TEX11: variants seen among roughly 807,000 people sequenced by gnomAD.
TEX11 encodes the protein testis-expressed protein 11.
Under a neutral mutation model 84.4 loss-of-function variants are expected in TEX11, and 7 were observed. That is an observed-to-expected ratio of 0.08 (90% CI 0.05 to 0.16). The LOEUF (loss-of-function observed/expected upper bound fraction) is 0.16, where lower values mean the gene tolerates loss of function less well. Ranked by LOEUF, TEX11 falls within the 10% of genes least tolerant of loss-of-function variation. The pLI is 1.00. For synonymous variants in TEX11, 264 were observed against 222.8 expected (o/e 1.18, Z -1.64); for missense variants, 551 against 660.5 (o/e 0.83, Z 1.82).
rs58118818 is a variant in TEX11 at position 70,720,773 on chromosome X, A to AATATAT, written c.1004+1839_1004+1844dup. On this transcript the variant is annotated intron_variant, in intron 13 of 29. Coordinates refer to ENST00000374333, the MANE Select transcript of TEX11 (RefSeq NM_031276.3). ...ATGTATATATTATATACATATATAT[A>AATATAT]ATATATATATATATATGAAAACCAT... Among the ~76,000 whole-genome samples the AATATAT allele has an allele frequency of 1.1e-3, 108 of 96,228 alleles. 1 individual carries two copies. The highest frequency in any genetic ancestry group is 3.6e-3 in the African/African-American group (101 of 27,904). 83.6% of individuals were successfully genotyped at this position (96,228 alleles called of 115,157 possible).
chrX:70,839,275 AC>A (rs1410815485), intron 7 of TEX11, among the ~76,000 whole-genome samples: 1 of 111,370 alleles, frequency 9.0e-6, no homozygotes, highest in Non-Finnish European at 1.9e-5. Context: ...ACGGCCGGGT[AC>A]CCCTCTGAGA....
intron 28 of TEX11, among the ~76,000 whole-genome samples, chrX:70,546,747 C>T (rs1288998106): frequency 1.8e-5 from 2 of 110,823 alleles, no homozygotes; most frequent in Non-Finnish European, 3.8e-5. Context: ...CTGGAATCCT[C>T]ATACACCGCT....
At chrX:70,684,179 A>G (rs1035976835) in intron 13 of TEX11, among the ~76,000 whole-genome samples, 2 of 112,742 alleles carry the variant, frequency 1.8e-5, no homozygotes, top group Non-Finnish European at 3.7e-5. Flanking sequence ...TTACTTCAGT[A>G]AAGTTGCAGG....
At chrX:70,593,102 C>T (rs768360381) in intron 24 of TEX11, among the ~76,000 whole-genome samples, 22 of 109,653 alleles carry the variant, frequency 2.0e-4, no homozygotes, top group South Asian at 8.0e-4. Flanking sequence ...CACACGCACA[C>T]GCACACACAC....
intron 28 of TEX11, among the ~76,000 whole-genome samples, chrX:70,547,292 C>T (rs916226566): frequency 9.0e-6 from 1 of 110,946 alleles, no homozygotes; most frequent in Non-Finnish European, 1.9e-5. Context: ...TGTTCTAAAA[C>T]TGGATTGTGG....
chrX:70,722,561 C>A, intron 13 of TEX11, 57 bp downstream of exon 13: 2 of 985,321 alleles, frequency 2.0e-6, no homozygotes, highest in South Asian at 4.1e-5. Flanking sequence ...AGGTGTGAGC[C>A]ACTGGTGCCT....
intron 8 of TEX11, among the ~76,000 whole-genome samples, chrX:70,807,614 A>C (rs972542505): frequency 8.1e-5 from 9 of 111,693 alleles, no homozygotes; most frequent in Non-Finnish European, 1.5e-4. Flanking sequence ...AAAGTCTTTT[A>C]TAAGTTTTAC....
At chrX:70,816,386 G>A (rs1194812516) in intron 8 of TEX11, among the ~76,000 whole-genome samples, 4 of 111,512 alleles carry the variant, frequency 3.6e-5, no homozygotes, top group African/African-American at 1.3e-4. Context: ...GAGATTCTGA[G>A]GACTGAGTGG....
intron 25 of TEX11, among the ~76,000 whole-genome samples, chrX:70,568,282 T>A (rs1187499331): frequency 9.0e-6 from 1 of 110,978 alleles, no homozygotes; most frequent in Admixed American, 9.6e-5. Context: ...ATCCTTTTAT[T>A]TTGAGCCTAT....
chrX:70,661,599 A>G (rs962413283), intron 16 of TEX11, among the ~76,000 whole-genome samples: 3 of 111,963 alleles, frequency 2.7e-5, no homozygotes, highest in East Asian at 2.8e-4. Context: ...CCTGACCCCC[A>G]AGTAGCCTAA....
the TEX11 span, among the ~76,000 whole-genome samples, chrX:70,523,030 C>T: frequency 9.0e-6 from 1 of 110,615 alleles, no homozygotes; most frequent in Non-Finnish European, 1.9e-5. Context: ...AAAAACAAAT[C>T]AAGGAAGCCT....
At chrX:70,786,451 T>C (rs2091079750) in intron 9 of TEX11, among the ~76,000 whole-genome samples, 1 of 111,348 alleles carries the variant, frequency 9.0e-6, no homozygotes, top group Non-Finnish European at 1.9e-5. Flanking sequence ...CATGCACATG[T>C]ACCGTAGAAC....
intron 28 of TEX11, among the ~76,000 whole-genome samples, chrX:70,537,597 G>GA (rs66588600): frequency 4.5e-5 from 5 of 110,030 alleles, no homozygotes; most frequent in South Asian, 3.9e-4. Context: ...AAGAGAAAAA[G>GA]AAAAAAAAGG....
chrX:70,806,035 C>A (rs1236925135), intron 9 of TEX11, among the ~76,000 whole-genome samples: 1 of 111,996 alleles, frequency 8.9e-6, no homozygotes, highest in African/African-American at 3.2e-5. Flanking sequence ...CCCAATCACA[C>A]CTCCACCTTA....
At chrX:70,737,148 G>A (rs1450378342) in intron 11 of TEX11, among the ~76,000 whole-genome samples, 1 of 110,742 alleles carries the variant, frequency 9.0e-6, no homozygotes, top group East Asian at 2.8e-4. Flanking sequence ...TAGAGACTTG[G>A]AAGATATAAA....
intron 8 of TEX11, among the ~76,000 whole-genome samples, chrX:70,817,252 TATACACACACACACAC>T (rs1242478521): frequency 3.2e-5 from 3 of 95,172 alleles, no homozygotes; most frequent in Non-Finnish European, 6.3e-5. Context: ...CACATATATA[TATACACACACACACAC>T]ACACACACAC....
chrX:70,549,168 G>A (rs945797651), intron 28 of TEX11, among the ~76,000 whole-genome samples: 1 of 111,273 alleles, frequency 9.0e-6, no homozygotes, highest in Non-Finnish European at 1.9e-5. Flanking sequence ...CGGGCTAAAA[G>A]GTACCCACTG....
chrX:70,529,179 C>G lies in TEX11; in HGVS notation c.2694G>C (p.Met898Ile). ...ATGCTTCCACAAGCTGACTATACAG[C>G]ATATTCATCTGGGAAAGAGAACAAC... Reference protein sequence around the residue: ...FKESYETQMNMLYSQLVEALS... With the variant: ...FKESYETQMNILYSQLVEALS... The change falls in exon 30 of 30, where the codon ATG becomes ATC. Residue 898 changes from methionine (M) to isoleucine (I), a missense_variant. Physicochemically the swap from Met to Ile is conservative, Grantham distance 10. Transcript: ENST00000374333. 1 of 1,200,248 alleles carries G rather than the reference C, an allele frequency of 8.3e-7. No homozygotes were observed. The highest frequency in any genetic ancestry group is 2.2e-5 in the Admixed American group (1 of 45,434).
chrX:70,904,527 A>G (rs2091819677), intron 2 of TEX11, among the ~76,000 whole-genome samples: 4 of 112,433 alleles, frequency 3.6e-5, no homozygotes. Context: ...AAGTCTGACA[A>G]TATCAAATAT....
Sources: gnomAD v4.1 joint callset for allele counts (sites outside exome capture counted in the v4.1 genomes callset) on GRCh38, gnomAD v4.1.1 for gene constraint, MANE v1.5 for transcripts, NCBI Gene and HGNC (gene_info 2026-07-23, HGNC 2026-07-21) for gene names.